The following PREX2 variants were observed in gnomAD, a reference collection of about 807,000 sequenced individuals.
PREX2 encodes the protein phosphatidylinositol 3,4,5-trisphosphate-dependent Rac exchanger 2 protein.
PREX2 carries 107 observed loss-of-function variants against 203.2 expected under a neutral mutation model. The ratio of observed to expected loss-of-function variants is 0.53; its 90% CI spans 0.45 to 0.62. The LOEUF is 0.62. Ranked by LOEUF, PREX2 falls within the 20% of genes least tolerant of loss-of-function variation. The pLI is 0.00. For missense variants in PREX2, 1,777 were observed against 1,955.9 expected (o/e 0.91, Z 1.72); for synonymous variants, 672 against 663.6 (o/e 1.01, Z -0.19).
chr8:67,970,974 C>T (rs77284289), intron 1 of PREX2, among the ~76,000 whole-genome samples: 2 of 152,176 alleles, frequency 1.3e-5, no homozygotes, highest in Non-Finnish European at 2.9e-5. Flanking sequence ...TTTTACTTTT[C>T]ACAGGAACTG....
Position 68,019,587 on chromosome 8 carries a change from T to C in PREX2, c.252T>C (p.His84=), listed in dbSNP as rs1245888773. 6.2e-7 allele frequency: 1 copy of C among 1,612,962 alleles called. No individual in the cohort carries two copies. Among genetic ancestry groups the C allele is most frequent in the East Asian group, 2.2e-5 (1 of 44,836 alleles). ...FSNIEDILAV[H]KEFLKVVEEC... is the part of the protein sequence containing the mutation. ...ACATTGAAGACATCCTTGCAGTACA[T>C]AAAGAATTCTTAAAAGTCGTGGAAG... The change falls in exon 3 of 40, where the codon CAT becomes CAC. Residue 84 remains histidine (H), a synonymous_variant. Transcript: ENST00000288368.
chr8:68,012,335 GA>G (rs1563499383), intron 1 of PREX2, among the ~76,000 whole-genome samples: 1 of 152,130 alleles, frequency 6.6e-6, no homozygotes, highest in Non-Finnish European at 1.5e-5. Context: ...CCTAAGCTCT[GA>G]GATGATAGTG....
intron 1 of PREX2, among the ~76,000 whole-genome samples, chr8:67,955,147 C>CAAAAAAA (rs1183491822): frequency 3.9e-5 from 2 of 51,920 alleles, no homozygotes; most frequent in Non-Finnish European, 6.9e-5. Context: ...GACTCCATCT[C>CAAAAAAA]AAAAAAAAAA....
At chr8:68,132,900 T>G (rs1045563168) in intron 31 of PREX2, among the ~76,000 whole-genome samples, 1 of 152,230 alleles carries the variant, frequency 6.6e-6, no homozygotes, top group Non-Finnish European at 1.5e-5. Flanking sequence ...GAACTCTGTG[T>G]GTTAGCTTCT....
At chr8:68,158,185 C>T (rs555567874) in intron 35 of PREX2, among the ~76,000 whole-genome samples, 3 of 150,248 alleles carry the variant, frequency 2.0e-5, no homozygotes, top group African/African-American at 7.3e-5. Context: ...ACACATATCT[C>T]CTTCTTATCT....
At chr8:67,978,538 G>C (rs1018549328) in intron 1 of PREX2, among the ~76,000 whole-genome samples, 3 of 152,142 alleles carry the variant, frequency 2.0e-5, no homozygotes, top group African/African-American at 7.2e-5. Flanking sequence ...GACTGGAGCT[G>C]TGGTTAAAAC....
At chr8:68,184,261 T>G (rs903836393) in intron 35 of PREX2, among the ~76,000 whole-genome samples, 1 of 152,170 alleles carries the variant, frequency 6.6e-6, no homozygotes, top group African/African-American at 2.4e-5. Flanking sequence ...TTCATGAGAA[T>G]TTTTTATAGA....
intron 31 of PREX2, among the ~76,000 whole-genome samples, chr8:68,128,351 A>C (rs899963096): frequency 1.3e-4 from 20 of 152,038 alleles, no homozygotes; most frequent in Non-Finnish European, 7.3e-5. Context: ...TTGTGATAGC[A>C]GTTAGCTTTT....
At chr8:68,195,873 T>C (rs1812384513) in intron 37 of PREX2, among the ~76,000 whole-genome samples, 1 of 152,240 alleles carries the variant, frequency 6.6e-6, no homozygotes, top group African/African-American at 2.4e-5. Flanking sequence ...TATTGAATTA[T>C]ATTGTATGTG....
intron 12 of PREX2, among the ~76,000 whole-genome samples, 199 bp from the exon 13 acceptor site, chr8:68,069,635 AC>A (rs1809132893): frequency 7.4e-6 from 1 of 134,898 alleles, no homozygotes; most frequent in Admixed American, 7.5e-5. Flanking sequence ...AATTTATAGC[AC>A]AATTTTAATC....
At chr8:68,205,916 A>G (rs1024247744) in intron 37 of PREX2, among the ~76,000 whole-genome samples, 1 of 152,166 alleles carries the variant, frequency 6.6e-6, no homozygotes, top group African/African-American at 2.4e-5. Context: ...TTTCTTTTTA[A>G]TCATGAACTC....
rs3793379 is a variant in PREX2 at position 68,134,174 on chromosome 8, G to A, written c.3882G>A (p.Lys1294=). ...AALNQMFDNS[K]ENEMETWEAS... Reference sequence around the variant, plus strand: ...TGAACCAGATGTTTGACAACAGCAAGGAAAATGAGATGGAAACTTGGGAAG... The same window carrying A: ...TGAACCAGATGTTTGACAACAGCAAAGAAAATGAGATGGAAACTTGGGAAG... The change falls in exon 32 of 40, where the codon AAG becomes AAA. Residue 1294 remains lysine (K), a synonymous_variant. Coordinates refer to ENST00000288368, the MANE Select transcript of PREX2 (RefSeq NM_024870.4). 0.13 allele frequency: 213,153 copies of A among 1,613,932 alleles called. 14,967 individuals carry two copies. Among genetic ancestry groups the A allele is most frequent in the Admixed American group, 0.18 (10,807 of 59,986 alleles).
chr8:67,957,706 A>G (rs538692476), intron 1 of PREX2, among the ~76,000 whole-genome samples: 3 of 152,208 alleles, frequency 2.0e-5, no homozygotes, highest in Non-Finnish European at 4.4e-5. Flanking sequence ...ATGCATCTGA[A>G]ATCAAACTCT....
intron 23 of PREX2, chr8:68,105,451 G>C: frequency 8.4e-7 from 1 of 1,197,462 alleles, no homozygotes; most frequent in East Asian, 5.8e-5. Flanking sequence ...TGTATTCACA[G>C]GCATTTGTAT....
At chr8:68,157,560 C>T (rs991152291) in intron 35 of PREX2, 124 bp downstream of exon 35, 7 of 491,046 alleles carry the variant, frequency 1.4e-5, no homozygotes, top group African/African-American at 6.0e-5. Context: ...ATAAATTCCT[C>T]GGATTTAGGG....
intron 32 of PREX2, among the ~76,000 whole-genome samples, chr8:68,135,099 T>TTTTGTGTGTGTG (rs1554580154): frequency 6.7e-6 from 1 of 148,790 alleles, no homozygotes; most frequent in Non-Finnish European, 1.5e-5. Flanking sequence ...AAAACAAATT[T>TTTTGTGTGTGTG]TGTGTGTGTG....
chr8:67,986,029 G>A (rs570404821), intron 1 of PREX2, among the ~76,000 whole-genome samples: 1 of 152,322 alleles, frequency 6.6e-6, no homozygotes, highest in East Asian at 1.9e-4. Flanking sequence ...GGAGATGGAA[G>A]TTCAAGGTTA....
chr8:68,141,223 G>A (rs563343302), intron 33 of PREX2, among the ~76,000 whole-genome samples: 4 of 152,278 alleles, frequency 2.6e-5, no homozygotes, highest in South Asian at 4.1e-4. Flanking sequence ...TGGAAAATCT[G>A]CATCAGTTTA....
At chr8:67,966,177 ATGT>A (rs1249833940) in intron 1 of PREX2, among the ~76,000 whole-genome samples, 31 of 152,288 alleles carry the variant, frequency 2.0e-4, no homozygotes, top group Admixed American at 5.2e-4. Flanking sequence ...ACCTTTGATG[ATGT>A]TGTGAAAATA....
Sources: gnomAD v4.1 joint callset for allele counts (sites outside exome capture counted in the v4.1 genomes callset) on GRCh38, gnomAD v4.1.1 for gene constraint, MANE v1.5 for transcripts, NCBI Gene and HGNC (gene_info 2026-07-23, HGNC 2026-07-21) for gene names.